Variants in ENO2 observed in about 807,000 individuals in gnomAD.
ENO2 encodes the protein enolase 2.
Under a neutral mutation model 48.7 loss-of-function variants are expected in ENO2, and 19 were observed. That is an observed-to-expected ratio of 0.39 (90% CI 0.27 to 0.57). The LOEUF (loss-of-function observed/expected upper bound fraction) is 0.57. Ranked by LOEUF, ENO2 falls within the 20% of genes least tolerant of loss-of-function variation. The pLI, the probability that ENO2 is intolerant of heterozygous loss-of-function variation, is 0.58. For synonymous variants in ENO2, 198 were observed against 213.4 expected (o/e 0.93, Z 0.63); for missense variants, 416 against 555.0 (o/e 0.75, Z 2.52).
rs1000634103 is a variant in ENO2 at position 6,916,457 on chromosome 12, C to T, written c.126C>T (p.Gly42=). The change falls in exon 3 of 12, where the codon GGC becomes GGT. Residue 42 remains glycine, a synonymous_variant. Transcript: ENST00000229277. The surrounding 1 kb of genome is among the most constrained non-coding windows in gnomAD (Gnocchi z 4.5). Reference sequence around the variant, plus strand: ...CAGTGCCCAGTGGAGCCTCTACGGGCATCTATGAGGCCCTGGAGCTGAGGG... The same window carrying T: ...CAGTGCCCAGTGGAGCCTCTACGGGTATCTATGAGGCCCTGGAGCTGAGGG... The part of the protein sequence containing the change: ...RAAVPSGAST[G]IYEALELRDG... 2.5e-6 allele frequency: 4 copies of T among 1,613,948 alleles called. No individual in the cohort carries two copies. The highest frequency in any genetic ancestry group is 3.3e-5 in the Admixed American group (2 of 59,978).
rs1945348571 is a variant in ENO2, at chr12:6,922,368, T to A, written c.1201T>A (p.Ser401Thr). The A allele has an allele frequency of 6.2e-7, 1 of 1,614,058 alleles. No individual in the cohort carries two copies. Among genetic ancestry groups the A allele is most frequent in the Admixed American group, 1.7e-5 (1 of 60,002 alleles). The change falls in exon 11 of 12, where the codon TCT becomes ACT. Residue 401 changes from serine (S) to threonine (T), a missense_variant. Coordinates refer to ENST00000229277, the MANE Select transcript of ENO2 (RefSeq NM_001975.3). The surrounding 1 kb of genome is among the most constrained non-coding windows in gnomAD (Gnocchi z 5.3). ...GQIKTGAPCR[S>T]ERLAKYNQLM... ...GATCAAGACTGGTGCCCCGTGCCGT[T>A]CTGAACGTCTGGCTAAATACAACCA...
chr12:6,916,035 TCACA>T lies in ENO2; in HGVS notation c.85+119_85+122del. 1 of 1,055,156 alleles carries T rather than the reference TCACA, an allele frequency of 9.5e-7. No individual in the cohort carries two copies. The highest frequency in any genetic ancestry group is 1.3e-5 in the South Asian group (1 of 74,890). 65.4% of individuals were successfully genotyped at this position (1,055,156 alleles called of 1,614,324 possible). Reference sequence around the variant, plus strand: ...AGGGGTATGGGGTGCTGGGCCAGGCTCACAAGCCTGGGTTGTGGCGGTTGGATCC... The same window carrying T: ...AGGGGTATGGGGTGCTGGGCCAGGCTAGCCTGGGTTGTGGCGGTTGGATCC... On this transcript the variant is annotated intron_variant, in intron 2 of 11. Coordinates refer to ENST00000229277, the MANE Select transcript of ENO2 (RefSeq NM_001975.3). This position sits in a 1 kb window ranked among gnomAD's most constrained non-coding sequence, Gnocchi z 4.5.
At chr12:6,918,960 C>G (rs1555141880) in intron 7 of ENO2, among the ~76,000 whole-genome samples, 1 of 129,246 alleles carries the variant, frequency 7.7e-6, no homozygotes, top group Admixed American at 9.1e-5. Context: ...CCAGCCTGGG[C>G]AACAGAGCGA....
chr12:6,919,331 C>T (rs1424873347), intron 7 of ENO2, among the ~76,000 whole-genome samples: 1 of 152,110 alleles, frequency 6.6e-6, no homozygotes, highest in African/African-American at 2.4e-5. Context: ...ATATAAAATG[C>T]TTAGATGACA....
At position 6,917,963 on chromosome 12, in the gene ENO2, C is replaced by G. The variant is rs782406716; in HGVS notation, c.468C>G (p.Gly156=). The change falls in exon 7 of 12, where the codon GGC becomes GGG. Residue 156 remains glycine (G), a synonymous_variant. Transcript: ENST00000229277. ...AGGCCTTCAACGTGATCAATGGTGG[C>G]TCTCATGCTGGCAACAAGCTGGCCA... ...PVPAFNVING[G]SHAGNKLAMQ... is the part of the protein sequence containing the mutation. 1.2e-6 allele frequency: 2 copies of G among 1,614,154 alleles called. No individual in the cohort carries two copies. The highest frequency in any genetic ancestry group is 2.2e-5 in the South Asian group (2 of 91,072).
Position 6,922,317 on chromosome 12 carries a change from AG to A in ENO2, c.1177-26del. The A allele has an allele frequency of 6.2e-7, 1 of 1,614,126 alleles. No homozygotes were observed. The highest frequency in any genetic ancestry group is 8.5e-7 in the Non-Finnish European group (1 of 1,180,008). ...TTCAGGGGTGAGAGGGCAGTCACTG[AG>A]CTGCAAATCCTTTGAAATGTTTCAG... is the stretch of plus-strand genomic sequence containing the variant. On this transcript the variant is annotated intron_variant, in intron 10 of 11. Coordinates refer to ENST00000229277, the MANE Select transcript of ENO2 (RefSeq NM_001975.3). This position sits in a 1 kb window ranked among gnomAD's most constrained non-coding sequence, Gnocchi z 5.3.
chr12:6,915,529 C>T, intron 1 of ENO2: 1 of 371,278 alleles, frequency 2.7e-6, no homozygotes, highest in Non-Finnish European at 5.1e-6. Flanking sequence ...GAACCACTGT[C>T]GTGCCCCTCC....
chr12:6,921,413 A>G (rs1226734904), intron 8 of ENO2, 168 bp from the exon 9 acceptor site: 110 of 657,988 alleles, frequency 1.7e-4, no homozygotes, highest in Admixed American at 2.1e-4. Context: ...AAAGTTAAGA[A>G]TCAGTTAGGG....
rs34021779 is a variant in ENO2 at position 6,919,642 on chromosome 12, C to T, written c.744C>T (p.Ala248=). 9.9e-4 allele frequency: 1,604 copies of T among 1,614,138 alleles called. 3 individuals carry two copies. The highest frequency in any genetic ancestry group is 1.2e-3 in the Non-Finnish European group (1,473 of 1,180,034). ...EKIVIGMDVA[A]SEFYRDGKYD... ...TCGTTATTGGCATGGATGTTGCTGC[C>T]TCAGAGTTTTATCGTGATGGCAAAT... is the stretch of plus-strand genomic sequence containing the variant. The change falls in exon 8 of 12, where the codon GCC becomes GCT. Residue 248 remains alanine (A), a synonymous_variant. Transcript: ENST00000229277.
Position 6,922,003 on chromosome 12 carries a change from GAAGA to G in ENO2, c.1068-52_1068-49del, listed in dbSNP as rs1945345418. On this transcript the variant is annotated intron_variant, in intron 9 of 11. Coordinates refer to ENST00000229277, the MANE Select transcript of ENO2 (RefSeq NM_001975.3). This position sits in a 1 kb window ranked among gnomAD's most constrained non-coding sequence, Gnocchi z 5.3. The stretch of plus-strand genomic sequence containing the variant: ...TGACATAGACCAAGGTTGGGGCTGG[GAAGA>G]GAGTGCCCAGTGTGAGAGCTGGAGA... 6.2e-7 allele frequency: 1 copy of G among 1,608,258 alleles called. No individual in the cohort carries two copies. Among genetic ancestry groups the G allele is most frequent in the African/African-American group, 1.3e-5 (1 of 74,816 alleles).
In ENO2 at chr12:6,922,891, CCT is replaced by C; in HGVS notation, c.*92_*93del. 1 of 1,474,130 alleles carries C rather than the reference CCT, an allele frequency of 6.8e-7. No individual in the cohort carries two copies. Among genetic ancestry groups the C allele is most frequent in the African/African-American group, 1.4e-5 (1 of 72,304 alleles). 91.3% of individuals were successfully genotyped at this position (1,474,130 alleles called of 1,614,324 possible). On this transcript the variant is annotated 3_prime_UTR_variant, in exon 12 of 12. Coordinates refer to ENST00000229277, the MANE Select transcript of ENO2 (RefSeq NM_001975.3). The surrounding 1 kb of genome is among the most constrained non-coding windows in gnomAD (Gnocchi z 5.3). ...TGTGATAGTTCACCCCCTGAGATCC[CCT>C]GAGCCCCAGGGTGCCCAGAACTTCC...
chr12:6,919,716 G>C lies in ENO2; in HGVS notation c.818G>C (p.Gly273Ala). The C allele has an allele frequency of 6.2e-7, 1 of 1,613,986 alleles. No individual in the cohort carries two copies. ...ACTGATCCTTCCCGATACATCACTG[G>C]GGACCAGCTGGGGGCACTCTACCAG... Reference protein sequence around the residue: ...SPTDPSRYITGDQLGALYQDF... With the variant: ...SPTDPSRYITADQLGALYQDF... The change falls in exon 8 of 12, where the codon GGG (glycine) becomes GCG (alanine). Residue 273 changes from glycine to alanine, a missense_variant. Coordinates refer to ENST00000229277, the MANE Select transcript of ENO2 (RefSeq NM_001975.3).
At chr12:6,919,809 C>A (rs146404987) in intron 8 of ENO2, 46 bp downstream of exon 8, 1 of 1,599,732 alleles carries the variant, frequency 6.3e-7, no homozygotes, top group East Asian at 2.2e-5. Flanking sequence ...CAGGCAGGGA[C>A]GTGTCCCAGC....
chr12:6,921,551 T>C (rs782450784), intron 8 of ENO2, 30 bp from the exon 9 acceptor site: 1 of 1,609,694 alleles, frequency 6.2e-7, no homozygotes, highest in Non-Finnish European at 8.5e-7. Flanking sequence ...GATGAACACC[T>C]CCCCCCTCCC....
intron 1 of ENO2, 53 bp from the exon 2 acceptor site, chr12:6,915,768 T>A: frequency 1.6e-6 from 2 of 1,214,402 alleles, no homozygotes; most frequent in Non-Finnish European, 2.2e-6. Context: ...GATCTCAGGC[T>A]CCACCCCTCT....
At chr12:6,920,940 C>T (rs1286233247) in intron 8 of ENO2, among the ~76,000 whole-genome samples, 2 of 151,852 alleles carry the variant, frequency 1.3e-5, no homozygotes, top group African/African-American at 4.8e-5. Context: ...GCGTGCACCA[C>T]CATGCCTGGC....
At position 6,917,730 on chromosome 12, in the gene ENO2, G is replaced by GA. The variant is rs376463507; in HGVS notation, c.444+16_444+17insA. ...GCCTGTGCCGGTGAGCAATAAGCCAGCCTGCGGCTCTCCCAGGGGCGGGTG... is the reference window on the plus strand; with the variant it reads ...GCCTGTGCCGGTGAGCAATAAGCCAGACCTGCGGCTCTCCCAGGGGCGGGTG... On this transcript the variant is annotated intron_variant, in intron 6 of 11. Coordinates refer to ENST00000229277, the MANE Select transcript of ENO2 (RefSeq NM_001975.3). The GA allele has an allele frequency of 7.9e-5, 115 of 1,458,998 alleles. No homozygotes were observed. The highest frequency in any genetic ancestry group is 9.7e-5 in the Non-Finnish European group (108 of 1,111,690). 90.4% of individuals were successfully genotyped at this position (1,458,998 alleles called of 1,614,324 possible).
rs781863931 is a variant in ENO2, at chr12:6,922,418, G to T, written c.1235+16G>T. On this transcript the variant is annotated intron_variant, in intron 11 of 11. Transcript: ENST00000229277. This position sits in a 1 kb window ranked among gnomAD's most constrained non-coding sequence, Gnocchi z 5.3. ...AGCTCATGAGGTGAGGGTCCCTGGG[G>T]TGGGAGCCCCTGGCCCAGATGGCTA... 5.6e-6 allele frequency: 9 copies of T among 1,614,150 alleles called. 2 individuals are homozygous for T. In the South Asian group the frequency reaches 9.9e-5, roughly 18 times the overall value.
At chr12:6,917,177 G>T in intron 5 of ENO2, 70 bp downstream of exon 5, 1 of 1,583,200 alleles carries the variant, frequency 6.3e-7, no homozygotes, top group South Asian at 1.1e-5. Flanking sequence ...GAGAGCTGAA[G>T]GGCCAGTGCT....
Sources: gnomAD v4.1 joint callset for allele counts (sites outside exome capture counted in the v4.1 genomes callset) on GRCh38, gnomAD v4.1.1 for gene constraint, Gnocchi (gnomAD v3.1) non-coding constraint, MANE v1.5 for transcripts, NCBI Gene and HGNC (gene_info 2026-07-23, HGNC 2026-07-21) for gene names.